PREX1: variants seen among roughly 807,000 people sequenced by gnomAD.
PREX1 encodes the protein phosphatidylinositol 3,4,5-trisphosphate-dependent Rac exchanger 1 protein.
In PREX1, 41 loss-of-function variants were observed where a neutral mutation model predicts 198.3. That is an observed-to-expected ratio of 0.21 (90% CI 0.16 to 0.27). PREX1 has a LOEUF of 0.27. Ranked by LOEUF, PREX1 falls within the 10% of genes least tolerant of loss-of-function variation. The probability of loss-of-function intolerance (pLI) is 1.00; values close to 1 mark genes in which losing one functional copy is unlikely to be tolerated. For synonymous variants in PREX1, 843 were observed against 887.2 expected (o/e 0.95, Z 0.89); for missense variants, 1,620 against 2,200.7 (o/e 0.74, Z 5.28).
Position 48,739,060 on chromosome 20 carries a change from G to T in PREX1, c.415-4410C>A, listed in dbSNP as rs554996998. Among the ~76,000 whole-genome samples the T allele has an allele frequency of 6.6e-5, 10 of 152,254 alleles. No homozygotes were observed. The South Asian group carries it at 1.2e-3, about 19-fold the overall frequency. On this transcript the variant is annotated intron_variant, in intron 3 of 39. Coordinates refer to ENST00000371941, the MANE Select transcript of PREX1 (RefSeq NM_020820.4). The stretch of plus-strand genomic sequence containing the variant: ...AATGGCTTTCACTGACTCAGAATAA[G>T]ATCTACAGTCCTCACCTCGGCACGC...
intron 5 of PREX1, among the ~76,000 whole-genome samples, chr20:48,711,697 A>G (rs2089931994): frequency 6.6e-6 from 1 of 152,142 alleles, no homozygotes; most frequent in East Asian, 1.9e-4. Context: ...GGCCTAAACT[A>G]TTTACTATCT....
chr20:48,855,880 G>A, the PREX1 span, among the ~76,000 whole-genome samples: 72 of 152,310 alleles, frequency 4.7e-4, no homozygotes, highest in East Asian at 0.011. Context: ...CGGCCTGGGC[G>A]ATAGAGCGAG....
the PREX1 span, among the ~76,000 whole-genome samples, chr20:48,849,752 A>C: frequency 6.6e-6 from 1 of 152,226 alleles, no homozygotes; most frequent in East Asian, 1.9e-4. Flanking sequence ...AAATCAGCCA[A>C]AGGGTCAGGA....
chr20:48,747,756 G>A, intron 2 of PREX1, 53 bp downstream of exon 2: 2 of 1,539,552 alleles, frequency 1.3e-6, no homozygotes, highest in South Asian at 1.1e-5. Flanking sequence ...GGAAGAGCAA[G>A]GCACAAAGCA....
chr20:48,664,573 G>T (rs537801395), intron 15 of PREX1, among the ~76,000 whole-genome samples: 19 of 152,192 alleles, frequency 1.2e-4, no homozygotes, highest in South Asian at 4.1e-4. Context: ...GAATGTTCTA[G>T]AAACAGGAAA....
intron 1 of PREX1, among the ~76,000 whole-genome samples, chr20:48,825,704 T>G (rs570856037): frequency 6.6e-6 from 1 of 151,892 alleles, no homozygotes; most frequent in Admixed American, 6.6e-5. Context: ...AAAATTGGTT[T>G]GTATTTCCTG....
intron 1 of PREX1, among the ~76,000 whole-genome samples, chr20:48,772,300 T>C (rs753336361): frequency 1.3e-5 from 2 of 152,270 alleles, no homozygotes; most frequent in African/African-American, 2.4e-5. Context: ...GGGCCAGGTT[T>C]CTTGGGTGGC....
intron 5 of PREX1, among the ~76,000 whole-genome samples, chr20:48,725,525 A>G (rs1028128004): frequency 6.6e-6 from 1 of 152,234 alleles, no homozygotes; most frequent in African/African-American, 2.4e-5. Context: ...CAGCAGGTGT[A>G]TGGAAGGCTG....
At chr20:48,740,291 G>T (rs1269362092) in intron 3 of PREX1, among the ~76,000 whole-genome samples, 1 of 152,222 alleles carries the variant, frequency 6.6e-6, no homozygotes, top group African/African-American at 2.4e-5. Context: ...TCAAATGCCT[G>T]TCACAGAGAC....
intron 5 of PREX1, among the ~76,000 whole-genome samples, chr20:48,715,366 C>T (rs1222941159): frequency 1.3e-5 from 2 of 152,166 alleles, no homozygotes; most frequent in Non-Finnish European, 2.9e-5. Flanking sequence ...TAGTAAGTTC[C>T]CCATCAATAG....
At chr20:48,728,291 G>A (rs905309226) in intron 4 of PREX1, among the ~76,000 whole-genome samples, 2 of 152,214 alleles carry the variant, frequency 1.3e-5, no homozygotes, top group African/African-American at 4.8e-5. Flanking sequence ...TATGCCACAC[G>A]CTGTGCCTTG....
chr20:48,791,534 G>T (rs2090338919), intron 1 of PREX1, among the ~76,000 whole-genome samples: 1 of 152,152 alleles, frequency 6.6e-6, no homozygotes, highest in South Asian at 2.1e-4. Context: ...GGGGTGACAG[G>T]GAGGAATCCC....
intron 1 of PREX1, among the ~76,000 whole-genome samples, chr20:48,764,789 AAAAAAAAAGAAAG>A (rs1271648199): frequency 2.4e-4 from 36 of 148,948 alleles, no homozygotes; most frequent in Non-Finnish European, 4.2e-4. Flanking sequence ...CTCAAAAAAA[AAAAAAAAAGAAAG>A]AAAGAAAGAA....
intron 4 of PREX1, among the ~76,000 whole-genome samples, chr20:48,733,316 A>G (rs536591990): frequency 1.5e-4 from 23 of 152,322 alleles, no homozygotes; most frequent in South Asian, 8.3e-4. Context: ...GCTCTATTGT[A>G]TGGGTAGACC....
chr20:48,683,470 C>T (rs748568310), intron 10 of PREX1, among the ~76,000 whole-genome samples: 11 of 152,220 alleles, frequency 7.2e-5, no homozygotes, highest in Non-Finnish European at 1.5e-4. Flanking sequence ...CAGTCACCTT[C>T]TGGATTTAGC....
At chr20:48,658,688 C>G (rs562783667) in intron 16 of PREX1, among the ~76,000 whole-genome samples, 1 of 152,128 alleles carries the variant, frequency 6.6e-6, no homozygotes, top group Non-Finnish European at 1.5e-5. Context: ...CTGCTTAGTG[C>G]GGGAGGCCAA....
At chr20:48,661,419 CAAA>C (rs1168247790) in intron 15 of PREX1, among the ~76,000 whole-genome samples, 20 of 12,012 alleles carry the variant, frequency 1.7e-3, no homozygotes, top group East Asian at 4.2e-3. Flanking sequence ...AACTCCATCT[CAAA>C]AAAAAAAAAA....
At position 48,737,906 on chromosome 20, in the gene PREX1, A is replaced by G. The variant is rs560981920; in HGVS notation, c.415-3256T>C. Among the ~76,000 whole-genome samples the G allele has an allele frequency of 6.4e-4, 97 of 152,218 alleles. 1 individual carries two copies. Among genetic ancestry groups the G allele is most frequent in the Admixed American group, 1.2e-3 (18 of 15,278 alleles). ...GAGTCCTGGATCTAGCTATGCCTGA[A>G]GCCAACCTACACTCCTGAACAATTT... On this transcript the variant is annotated intron_variant, in intron 3 of 39. Transcript: ENST00000371941.
In PREX1 at chr20:48,676,358, G is replaced by GA; in HGVS notation, c.1590-91dup. ...TGACTTCCCTGCAGGACGTGCCCAC[G>GA]AGTCAAGGATCTCCAGGCTCTCTAG... On this transcript the variant is annotated intron_variant, in intron 13 of 39. Transcript: ENST00000371941. The GA allele has an allele frequency of 3.3e-6, 4 of 1,212,276 alleles. No homozygotes were observed. In the South Asian group the frequency reaches 3.7e-5, roughly 11 times the overall value. The allele number at this position is 1,212,276 out of a possible 1,614,324, so 75.1% of individuals were successfully genotyped here.
Sources: allele counts gnomAD v4.1 joint callset (sites outside exome capture counted in the v4.1 genomes callset), GRCh38; gene constraint gnomAD v4.1.1; transcripts MANE v1.5; gene names NCBI Gene and HGNC (gene_info 2026-07-23, HGNC 2026-07-21).